Variants in CSMD1 observed in about 807,000 individuals in gnomAD.
The protein encoded by CSMD1 is CUB and Sushi multiple domains 1, also known as CUB and sushi domain-containing protein 1.
Under a neutral mutation model 417.5 loss-of-function variants are expected in CSMD1, and 213 were observed. The ratio of observed to expected loss-of-function variants is 0.51; its 90% CI spans 0.46 to 0.57. CSMD1 has a LOEUF of 0.57. Ranked by LOEUF, CSMD1 falls within the 20% of genes least tolerant of loss-of-function variation. The pLI is 0.00. For missense variants in CSMD1, 6,923 were observed against 4,529.7 expected (o/e 1.53, Z -15.17); for synonymous variants, 2,862 against 1,736.8 (o/e 1.65, Z -16.11).
At chr8:4,763,268 G>A (rs192281649) in intron 1 of CSMD1, among the ~76,000 whole-genome samples, 1 of 152,084 alleles carries the variant, frequency 6.6e-6, no homozygotes, top group Non-Finnish European at 1.5e-5. Context: ...ACAGTCCTTC[G>A]TGAATTTCAT....
chr8:3,757,058 C>A (rs533800976), intron 5 of CSMD1, among the ~76,000 whole-genome samples: 1 of 152,320 alleles, frequency 6.6e-6, no homozygotes, highest in South Asian at 2.1e-4. Context: ...TCACCTTTGC[C>A]TCTCAGAGTG....
chr8:4,127,934 A>T (rs970640151), intron 3 of CSMD1, among the ~76,000 whole-genome samples: 1 of 152,216 alleles, frequency 6.6e-6, no homozygotes, highest in African/African-American at 2.4e-5. Context: ...ATGCACAGTT[A>T]AACACTATTC....
At chr8:4,414,489 A>C (rs141826867) in intron 3 of CSMD1, among the ~76,000 whole-genome samples, 59 of 152,348 alleles carry the variant, frequency 3.9e-4, no homozygotes, top group African/African-American at 1.0e-3. Context: ...TTCATATCCT[A>C]TACTGAGCAA....
At chr8:3,912,395 G>GGGT (rs1808519878) in intron 5 of CSMD1, among the ~76,000 whole-genome samples, 3 of 152,290 alleles carry the variant, frequency 2.0e-5, no homozygotes, top group East Asian at 3.9e-4. Context: ...TAGCCAATTT[G>GGGT]GGTGCAGGGA....
chr8:3,006,196 C>G (rs1251735568), intron 52 of CSMD1, among the ~76,000 whole-genome samples: 1 of 151,620 alleles, frequency 6.6e-6, no homozygotes, highest in Non-Finnish European at 1.5e-5. Flanking sequence ...AATAAAATAC[C>G]TAGGAATCCA....
intron 2 of CSMD1, among the ~76,000 whole-genome samples, chr8:4,590,638 T>C (rs1462379958): frequency 2.0e-5 from 3 of 152,164 alleles, no homozygotes; most frequent in Non-Finnish European, 2.9e-5. Context: ...TTCAAAGTTG[T>C]TGACTTTTAC....
At chr8:3,994,701 A>G (rs1008344527) in intron 5 of CSMD1, among the ~76,000 whole-genome samples, 2 of 152,180 alleles carry the variant, frequency 1.3e-5, no homozygotes, top group African/African-American at 4.8e-5. Flanking sequence ...TGTTTAATAT[A>G]AAGATAATTT....
chr8:3,500,112 G>A (rs565793823), intron 10 of CSMD1, among the ~76,000 whole-genome samples: 94 of 152,148 alleles, frequency 6.2e-4, no homozygotes, highest in African/African-American at 2.1e-3. Context: ...GGCACTGAAC[G>A]GATCCTACCT....
chr8:3,558,086 G>C lies in CSMD1; in HGVS notation c.1344+16859C>G, dbSNP rs1037567418. ...ATGAATAGTGCCTCAATAGTACCCC[G>C]TGTCGACTCCTCCAATGATGAATGG... On this transcript the variant is annotated intron_variant, in intron 10 of 69. Coordinates refer to ENST00000635120, the MANE Select transcript of CSMD1 (RefSeq NM_033225.6). Among the ~76,000 whole-genome samples the C allele has an allele frequency of 2.9e-4, 42 of 145,750 alleles. 1 individual carries two copies. The highest frequency in any genetic ancestry group is 1.0e-3 in the African/African-American group (41 of 39,750).
intron 43 of CSMD1, 30 bp from the exon 44 acceptor site, chr8:3,108,778 A>G (rs565866267): frequency 3.2e-6 from 5 of 1,586,354 alleles, no homozygotes; most frequent in Non-Finnish European, 8.6e-7. Context: ...GTGGCTGGCT[A>G]AGGATATTTA....
At chr8:4,159,019 G>C (rs558318923) in intron 3 of CSMD1, among the ~76,000 whole-genome samples, 1 of 152,162 alleles carries the variant, frequency 6.6e-6, no homozygotes, top group African/African-American at 2.4e-5. Flanking sequence ...AGATTCAAGC[G>C]ATTCTCCTGC....
rs1816926263 is a variant in CSMD1, at chr8:3,468,808, C to T, written c.1465G>A (p.Val489Ile). The change falls in exon 12 of 70, where the codon GTT (valine) becomes ATT (isoleucine). Residue 489 changes from valine (V) to isoleucine (I), a missense_variant. Physicochemically the swap from Val to Ile is conservative, Grantham distance 29 (BLOSUM62 3). Transcript: ENST00000635120. ...SVLYVLTGSS[V>I]PDLIVSMSNQ... ...CTCATGCTCACAATGAGGTCAGGAA[C>T]ACTGGATCCCGTGAGCCTGCAAGAA... 1.9e-6 allele frequency: 3 copies of T among 1,598,174 alleles called. No individual in the cohort carries two copies. The highest frequency in any genetic ancestry group is 2.3e-5 in the South Asian group (2 of 88,246).
At chr8:3,684,723 G>A (rs1799858320) in intron 7 of CSMD1, among the ~76,000 whole-genome samples, 1 of 151,744 alleles carries the variant, frequency 6.6e-6, no homozygotes, top group African/African-American at 2.4e-5. Context: ...TCAGCCTCCA[G>A]AGGAGTAGCT....
chr8:4,818,645 AT>A (rs911012904), intron 1 of CSMD1, among the ~76,000 whole-genome samples: 1 of 152,224 alleles, frequency 6.6e-6, no homozygotes, highest in African/African-American at 2.4e-5. Flanking sequence ...AGGAAATAAT[AT>A]CTTTAGAGAA....
At chr8:4,108,950 TTA>T (rs1801712181) in intron 3 of CSMD1, among the ~76,000 whole-genome samples, 1 of 152,174 alleles carries the variant, frequency 6.6e-6, no homozygotes, top group African/African-American at 2.4e-5. Flanking sequence ...AATTGTCCAT[TTA>T]TGTATAATTT....
chr8:4,498,874 T>A (rs554526740), intron 2 of CSMD1, among the ~76,000 whole-genome samples: 36 of 151,898 alleles, frequency 2.4e-4, no homozygotes, highest in Non-Finnish European at 4.3e-4. Context: ...ACCCCAGAAG[T>A]CAAAATAATA....
chr8:3,751,686 A>G (rs1280352621), intron 6 of CSMD1, among the ~76,000 whole-genome samples: 3 of 151,892 alleles, frequency 2.0e-5, no homozygotes, highest in South Asian at 2.1e-4. Flanking sequence ...AGTGATTGCT[A>G]TTTTCTGCCA....
At chr8:2,993,821 A>G (rs1486876055) in intron 54 of CSMD1, among the ~76,000 whole-genome samples, 1 of 152,014 alleles carries the variant, frequency 6.6e-6, no homozygotes, top group Non-Finnish European at 1.5e-5. Context: ...ACTCCCCTGC[A>G]TTGAAGAAAG....
Position 3,408,137 on chromosome 8 carries a change from G to C in CSMD1, c.1833C>G (p.Val611=), listed in dbSNP as rs542883804. The C allele has an allele frequency of 1.2e-6, 2 of 1,613,498 alleles. No homozygotes were observed. Among genetic ancestry groups the C allele is most frequent in the South Asian group, 1.1e-5 (1 of 91,010 alleles). ...TTCCTGGCTCCGAGATAATCAACCA[G>C]ACACAGTTCATGTTGTTCCCATATT... ...PEEYGNNMNC[V]WLIISEPGSR... is the part of the protein sequence containing the mutation. The change falls in exon 14 of 70, where the codon GTC becomes GTG. Residue 611 remains valine, a synonymous_variant. Transcript: ENST00000635120.
Sources: allele counts gnomAD v4.1 joint callset (sites outside exome capture counted in the v4.1 genomes callset), GRCh38; gene constraint gnomAD v4.1.1; transcripts MANE v1.5; gene names NCBI Gene and HGNC (gene_info 2026-07-23, HGNC 2026-07-21).